The following SGPP2 variants were observed in gnomAD, a reference collection of about 807,000 sequenced individuals.
The protein encoded by SGPP2 is sphingosine-1-phosphate phosphatase 2.
In SGPP2, 30 loss-of-function variants were observed where a neutral mutation model predicts 33.9. The observed-to-expected ratio is 0.89, with a 90% confidence interval of 0.66 to 1.20. The LOEUF is 1.20. SGPP2 is among the 50% of genes most tolerant of loss of function. SGPP2 has a pLI of 0.00. For synonymous variants in SGPP2, 233 were observed against 225.0 expected (o/e 1.04, Z -0.32); for missense variants, 458 against 532.1 (o/e 0.86, Z 1.37).
intron 1 of SGPP2, among the ~76,000 whole-genome samples, chr2:222,426,097 A>C (rs954370950): frequency 6.7e-6 from 1 of 150,226 alleles, no homozygotes; most frequent in Non-Finnish European, 1.5e-5. Context: ...TGCGGCCTGT[A>C]GTTCCAGCTA....
chr2:222,523,183 GTCA>G (rs1326028441), intron 3 of SGPP2, among the ~76,000 whole-genome samples: 1 of 152,172 alleles, frequency 6.6e-6, no homozygotes, highest in Non-Finnish European at 1.5e-5. Flanking sequence ...CTTCTACCTG[GTCA>G]TCTGGGTTTA....
chr2:222,451,492 C>T lies in SGPP2; in HGVS notation c.220-23076C>T, dbSNP rs183314017. Among the ~76,000 whole-genome samples, 15 of 152,372 alleles carry T rather than the reference C, an allele frequency of 9.8e-5. No individual in the cohort carries two copies. The East Asian group carries it at 1.2e-3, about 12-fold the overall frequency. On this transcript the variant is annotated intron_variant, in intron 1 of 4. Transcript: ENST00000321276. ...GTGCCCAAGGCACCTAAACCCTACA[C>T]GCTCTGTGTGGCTGACTGAGAAACT...
At chr2:222,541,850 C>A (rs1277455485) in intron 4 of SGPP2, among the ~76,000 whole-genome samples, 4 of 152,114 alleles carry the variant, frequency 2.6e-5, no homozygotes, top group Non-Finnish European at 5.9e-5. Context: ...GATCCACCCA[C>A]CCCGGCCTCC....
At chr2:222,556,490 C>A (rs1689402908) in intron 4 of SGPP2, among the ~76,000 whole-genome samples, 1 of 140,416 alleles carries the variant, frequency 7.1e-6, no homozygotes, top group Non-Finnish European at 1.6e-5. Context: ...ACTTCCCCCA[C>A]ACCCTCATTC....
chr2:222,528,652 T>G (rs1037980849), intron 4 of SGPP2, among the ~76,000 whole-genome samples: 1 of 152,162 alleles, frequency 6.6e-6, no homozygotes, highest in Non-Finnish European at 1.5e-5. Flanking sequence ...CATCTCAGTC[T>G]GTCACCTGGG....
At position 222,506,278 on chromosome 2, in the gene SGPP2, A is replaced by C. The variant is rs527990473; in HGVS notation, c.379-15489A>C. ...ATGTATTTTTCATCATGTTTAGTGC[A>C]ACACTGTAAACTTTGAATAACACTG... On this transcript the variant is annotated intron_variant, in intron 2 of 4. Coordinates refer to ENST00000321276, the MANE Select transcript of SGPP2 (RefSeq NM_152386.4). Among the ~76,000 whole-genome samples the C allele has an allele frequency of 5.3e-5, 8 of 152,350 alleles. No homozygotes were observed. The South Asian group carries it at 1.7e-3, about 32-fold the overall frequency.
At chr2:222,440,100 A>C (rs576008651) in intron 1 of SGPP2, among the ~76,000 whole-genome samples, 1 of 152,234 alleles carries the variant, frequency 6.6e-6, no homozygotes, top group African/African-American at 2.4e-5. Flanking sequence ...CTTTTACTAC[A>C]GGCATTATTT....
In SGPP2 at chr2:222,562,399, C is replaced by T. The variant is rs115903617; in HGVS notation, c.*3501C>T. Reference sequence around the variant, plus strand: ...TTACATAGCAGTGGCTGGAATTACTCCAAAACGTGCCCAGTGATCGCACTG... The same window carrying T: ...TTACATAGCAGTGGCTGGAATTACTTCAAAACGTGCCCAGTGATCGCACTG... On this transcript the variant is annotated 3_prime_UTR_variant, in exon 5 of 5. Transcript: ENST00000321276. Among the ~76,000 whole-genome samples the T allele has an allele frequency of 0.039, 5,935 of 152,168 alleles. 379 individuals are homozygous for T. Among genetic ancestry groups the T allele is most frequent in the African/African-American group, 0.14 (5,605 of 41,434 alleles).
At chr2:222,455,387 A>G (rs567596956) in intron 1 of SGPP2, among the ~76,000 whole-genome samples, 1 of 152,216 alleles carries the variant, frequency 6.6e-6, no homozygotes, top group South Asian at 2.1e-4. Context: ...CCAGGAGGAG[A>G]GTGTGCTTAG....
At chr2:222,442,962 T>C (rs1697348349) in intron 1 of SGPP2, among the ~76,000 whole-genome samples, 1 of 152,200 alleles carries the variant, frequency 6.6e-6, no homozygotes, top group African/African-American at 2.4e-5. Flanking sequence ...GATCAAATAT[T>C]GAATCATGAC....
At chr2:222,539,729 T>C (rs1409613821) in intron 4 of SGPP2, among the ~76,000 whole-genome samples, 1 of 152,246 alleles carries the variant, frequency 6.6e-6, no homozygotes, top group Non-Finnish European at 1.5e-5. Flanking sequence ...TTCTAGATTC[T>C]GCAAGAAGGC....
At chr2:222,524,010 C>G (rs1474940773) in intron 3 of SGPP2, among the ~76,000 whole-genome samples, 1 of 152,198 alleles carries the variant, frequency 6.6e-6, no homozygotes. Context: ...TCTCACTTAC[C>G]AGCTGTGTGA....
chr2:222,435,550 CAAT>C lies in SGPP2; in HGVS notation c.219+10732_219+10734del, dbSNP rs201453421. 7.7e-3 allele frequency among the ~76,000 whole-genome samples: 1,178 copies of C among 152,238 alleles called. 12 individuals carry two copies. The highest frequency in any genetic ancestry group is 0.027 in the African/African-American group (1,123 of 41,534). On this transcript the variant is annotated intron_variant, in intron 1 of 4. Transcript: ENST00000321276. Reference sequence around the variant, plus strand: ...ATATGTAATCTTCATATACAGATAACAATAAGGTTATAATTATGTCTAACATAA... The same window carrying C: ...ATATGTAATCTTCATATACAGATAACAAGGTTATAATTATGTCTAACATAA...
intron 4 of SGPP2, among the ~76,000 whole-genome samples, chr2:222,552,569 G>A (rs1432090572): frequency 6.6e-6 from 1 of 152,078 alleles, no homozygotes; most frequent in African/African-American, 2.4e-5. Context: ...CATCACTAGA[G>A]AATTACTCAA....
At chr2:222,517,487 C>T (rs1176857843) in intron 2 of SGPP2, among the ~76,000 whole-genome samples, 1 of 152,172 alleles carries the variant, frequency 6.6e-6, no homozygotes, top group Admixed American at 6.5e-5. Context: ...CCCATCCATT[C>T]CACAGAGAGC....
chr2:222,539,681 A>ATC (rs2106147532), intron 4 of SGPP2, among the ~76,000 whole-genome samples: 1 of 152,332 alleles, frequency 6.6e-6, no homozygotes, highest in East Asian at 1.9e-4. Context: ...AGATCACAGA[A>ATC]ACAGCAGGAG....
chr2:222,450,154 C>T (rs752028303), intron 1 of SGPP2, among the ~76,000 whole-genome samples: 2 of 152,200 alleles, frequency 1.3e-5, no homozygotes, highest in Non-Finnish European at 2.9e-5. Context: ...ATTTCTGCCT[C>T]CTCTGAGACG....
chr2:222,464,070 G>A (rs759954039), intron 1 of SGPP2, among the ~76,000 whole-genome samples: 3 of 152,218 alleles, frequency 2.0e-5, no homozygotes, highest in Non-Finnish European at 4.4e-5. Flanking sequence ...GTATCATTTC[G>A]ATAAGTTAAT....
At chr2:222,484,608 G>C (rs148777431) in intron 2 of SGPP2, among the ~76,000 whole-genome samples, 1 of 152,026 alleles carries the variant, frequency 6.6e-6, no homozygotes, top group African/African-American at 2.4e-5. Context: ...ATGTCTTACC[G>C]AGAAAAAACA....
Sources: allele counts gnomAD v4.1 joint callset (sites outside exome capture counted in the v4.1 genomes callset), GRCh38; gene constraint gnomAD v4.1.1; transcripts MANE v1.5; gene names NCBI Gene and HGNC (gene_info 2026-07-23, HGNC 2026-07-21).